Variants in CCSER1 observed in about 807,000 individuals in gnomAD.
The protein encoded by CCSER1 is coiled-coil serine rich protein 1.
Under a neutral mutation model 82.0 loss-of-function variants are expected in CCSER1, and 41 were observed. The ratio of observed to expected loss-of-function variants is 0.50; its 90% CI spans 0.39 to 0.65. CCSER1 has a LOEUF of 0.65. Ranked by LOEUF, CCSER1 falls within the 30% of genes least tolerant of loss-of-function variation. The probability of loss-of-function intolerance (pLI) is 0.00; values close to 1 mark genes in which losing one functional copy is unlikely to be tolerated. For synonymous variants in CCSER1, 414 were observed against 383.9 expected (o/e 1.08, Z -0.92); for missense variants, 1,119 against 1,064.2 (o/e 1.05, Z -0.72).
At chr4:90,353,376 A>T (rs1743851680) in intron 3 of CCSER1, among the ~76,000 whole-genome samples, 1 of 152,134 alleles carries the variant, frequency 6.6e-6, no homozygotes, top group African/African-American at 2.4e-5. Flanking sequence ...TTTAAAAACT[A>T]CTTTGTCAGA....
intron 10 of CCSER1, among the ~76,000 whole-genome samples, chr4:91,351,854 C>T: frequency 6.6e-6 from 1 of 151,832 alleles, no homozygotes; most frequent in East Asian, 1.9e-4. Flanking sequence ...AGTTGCATTC[C>T]TTTGTGTTCT....
intron 5 of CCSER1, among the ~76,000 whole-genome samples, chr4:90,534,444 TG>T (rs1775036960): frequency 1.5e-5 from 1 of 66,458 alleles, no homozygotes; most frequent in African/African-American, 6.7e-5. Context: ...CAGCCTTTTG[TG>T]TGTGTGTGTG....
chr4:90,168,878 G>T (rs1731051793), intron 1 of CCSER1, among the ~76,000 whole-genome samples: 1 of 149,638 alleles, frequency 6.7e-6, no homozygotes, highest in Non-Finnish European at 1.5e-5. Context: ...GGTTACTGTA[G>T]CCTTGTAGTA....
rs77463827 is a variant in CCSER1 at position 91,210,218 on chromosome 4, A to G, written c.2217+124224A>G. On this transcript the variant is annotated intron_variant, in intron 10 of 10. Coordinates refer to ENST00000509176, the MANE Select transcript of CCSER1 (RefSeq NM_001145065.2). ...TAACATTATAAATTATATATCTTCA[A>G]TGGGTTATAGTGTTATATGTAAAGT... is the stretch of plus-strand genomic sequence containing the variant. Among the ~76,000 whole-genome samples the G allele has an allele frequency of 6.0e-3, 914 of 151,280 alleles. 9 individuals are homozygous for G. The highest frequency in any genetic ancestry group is 0.01 in the Middle Eastern group (3 of 286).
At chr4:90,304,950 T>G (rs1399112571) in intron 1 of CCSER1, among the ~76,000 whole-genome samples, 1 of 151,798 alleles carries the variant, frequency 6.6e-6, no homozygotes, top group Admixed American at 6.6e-5. Flanking sequence ...AGAGTGTCAC[T>G]CTGTCCACCC....
At chr4:90,731,401 A>G (rs1300435921) in intron 7 of CCSER1, among the ~76,000 whole-genome samples, 1 of 152,188 alleles carries the variant, frequency 6.6e-6, no homozygotes, top group Non-Finnish European at 1.5e-5. Context: ...ATTCAATCCT[A>G]CAAGTAATAC....
chr4:90,359,887 A>ATATG (rs1554012826), intron 3 of CCSER1, among the ~76,000 whole-genome samples: 1 of 79,274 alleles, frequency 1.3e-5, no homozygotes, highest in African/African-American at 7.7e-5. Flanking sequence ...GTGTATATAT[A>ATATG]TGTGTGTGTG....
chr4:90,836,560 GT>G (rs1464289563), intron 8 of CCSER1, among the ~76,000 whole-genome samples: 1 of 152,130 alleles, frequency 6.6e-6, no homozygotes, highest in Non-Finnish European at 1.5e-5. Flanking sequence ...AATAAATGAA[GT>G]TTAAGTTCAT....
chr4:90,265,310 T>C (rs115000565), intron 1 of CCSER1, among the ~76,000 whole-genome samples: 7,373 of 151,896 alleles, frequency 0.049, 473 homozygotes, highest in African/African-American at 0.15. Context: ...TAGAATAAAA[T>C]ATATTTGTAT....
chr4:90,564,516 T>C (rs1281103745), intron 5 of CCSER1, among the ~76,000 whole-genome samples: 1 of 152,208 alleles, frequency 6.6e-6, no homozygotes, highest in Non-Finnish European at 1.5e-5. Context: ...TGGGCAGAAG[T>C]TTTGTCATTT....
chr4:91,441,800 A>C (rs1755173757), intron 10 of CCSER1, among the ~76,000 whole-genome samples: 1 of 151,956 alleles, frequency 6.6e-6, no homozygotes, highest in Non-Finnish European at 1.5e-5. Context: ...AATGTGCAAA[A>C]ATCACAAGCA....
intron 7 of CCSER1, among the ~76,000 whole-genome samples, chr4:90,751,186 A>G (rs140362012): frequency 5.3e-5 from 8 of 152,258 alleles, no homozygotes; most frequent in African/African-American, 1.9e-4. Flanking sequence ...CATAAGCCCC[A>G]TGGTTTAATA....
intron 9 of CCSER1, among the ~76,000 whole-genome samples, chr4:91,025,167 C>T (rs1740378736): frequency 6.6e-6 from 1 of 152,080 alleles, no homozygotes; most frequent in South Asian, 2.1e-4. Flanking sequence ...AAATATTTTT[C>T]AGAATATATT....
At chr4:90,235,058 G>A (rs1356300531) in intron 1 of CCSER1, 2 of 152,048 alleles carry the variant, frequency 1.3e-5, no homozygotes, top group Admixed American at 1.3e-4. Context: ...GGCTGTGTAT[G>A]CTCGAGGTGC....
At chr4:90,880,699 C>T (rs1284136761) in intron 8 of CCSER1, among the ~76,000 whole-genome samples, 2 of 152,100 alleles carry the variant, frequency 1.3e-5, no homozygotes, top group Non-Finnish European at 2.9e-5. Context: ...AATGTGGGCA[C>T]CAATGTACAT....
chr4:90,695,478 A>T (rs1170505066), intron 6 of CCSER1, among the ~76,000 whole-genome samples: 1 of 151,822 alleles, frequency 6.6e-6, no homozygotes, highest in Non-Finnish European at 1.5e-5. Flanking sequence ...TTATTACTTT[A>T]CTCTTTGGGT....
At chr4:90,961,669 T>G (rs1734065187) in intron 9 of CCSER1, among the ~76,000 whole-genome samples, 1 of 152,052 alleles carries the variant, frequency 6.6e-6, no homozygotes, top group Non-Finnish European at 1.5e-5. Flanking sequence ...TTATTTTAAT[T>G]TTAAGTAAGT....
chr4:90,513,680 A>T (rs933726033), intron 5 of CCSER1, among the ~76,000 whole-genome samples: 3 of 152,190 alleles, frequency 2.0e-5, no homozygotes, highest in African/African-American at 4.8e-5. Context: ...GACTATGGGA[A>T]ATAATGGCTG....
At chr4:90,431,034 A>C (rs1758208380) in intron 4 of CCSER1, among the ~76,000 whole-genome samples, 1 of 151,926 alleles carries the variant, frequency 6.6e-6, no homozygotes, top group African/African-American at 2.4e-5. Flanking sequence ...GTTTCACAGG[A>C]GCCTGGTTTT....
Sources: allele counts gnomAD v4.1 joint callset (sites outside exome capture counted in the v4.1 genomes callset), GRCh38; gene constraint gnomAD v4.1.1; transcripts MANE v1.5; gene names NCBI Gene and HGNC (gene_info 2026-07-23, HGNC 2026-07-21).